Variants in PLCB1 observed in about 807,000 individuals in gnomAD.
The protein encoded by PLCB1 is phospholipase C beta 1.
In PLCB1, 46 loss-of-function variants were observed where a neutral mutation model predicts 161.8. The ratio of observed to expected loss-of-function variants is 0.28; its 90% CI spans 0.22 to 0.36. The LOEUF is 0.36. Ranked by LOEUF, PLCB1 falls within the 10% of genes least tolerant of loss-of-function variation. The pLI is 1.00. For synonymous variants in PLCB1, 517 were observed against 503.7 expected, an observed-to-expected ratio of 1.03 and a Z score of -0.35; for missense variants, 1,016 against 1,472.5, an observed-to-expected ratio of 0.69 and a Z score of 5.07.
At chr20:8,854,863 T>G (rs1278914725) in intron 31 of PLCB1, among the ~76,000 whole-genome samples, 2 of 152,230 alleles carry the variant, frequency 1.3e-5, no homozygotes, top group Non-Finnish European at 2.9e-5. Flanking sequence ...CCAAGACTCC[T>G]TCGTGCTTCA....
At chr20:8,459,973 G>A (rs913460765) in intron 3 of PLCB1, among the ~76,000 whole-genome samples, 2 of 152,220 alleles carry the variant, frequency 1.3e-5, no homozygotes, top group African/African-American at 4.8e-5. Flanking sequence ...GCCACCTTAA[G>A]TGGCAGTTTT....
chr20:8,667,691 T>A (rs1989847082), intron 9 of PLCB1, among the ~76,000 whole-genome samples: 1 of 152,158 alleles, frequency 6.6e-6, no homozygotes, highest in Admixed American at 6.5e-5. Context: ...AGGAAAAATA[T>A]AAACAGTAAA....
chr20:8,593,368 T>C (rs187107470), intron 3 of PLCB1, among the ~76,000 whole-genome samples: 2 of 152,008 alleles, frequency 1.3e-5, no homozygotes, highest in Admixed American at 1.3e-4. Flanking sequence ...TGTGTGTGTG[T>C]GTATGTGTGA....
At chr20:8,631,556 C>T (rs1325316239) in intron 4 of PLCB1, among the ~76,000 whole-genome samples, 1 of 152,194 alleles carries the variant, frequency 6.6e-6, no homozygotes, top group Non-Finnish European at 1.5e-5. Context: ...TCTTGCAGAG[C>T]AGAATCAGCA....
Position 8,733,542 on chromosome 20 carries a change from A to G in PLCB1, c.2043+150A>G, listed in dbSNP as rs1048008541. On this transcript the variant is annotated intron_variant, in intron 19 of 31. Transcript: ENST00000338037. ...TTTTTTCTCTAAAGATCAAATACAC[A>G]TTAAAAGTTTTCGTAAGGGGTCCGT... is the stretch of plus-strand genomic sequence containing the variant. The G allele has an allele frequency of 4.4e-6, 3 of 679,588 alleles. No individual in the cohort carries two copies. The African/African-American group carries it at 5.5e-5, about 12-fold the overall frequency. 42.1% of individuals were successfully genotyped at this position (679,588 alleles called of 1,614,324 possible).
intron 2 of PLCB1, among the ~76,000 whole-genome samples, chr20:8,190,193 C>T (rs775835522): frequency 3.9e-5 from 6 of 152,028 alleles, no homozygotes; most frequent in Non-Finnish European, 5.9e-5. Context: ...GTATGCTCTG[C>T]ATTCCTGTGT....
chr20:8,544,554 T>C (rs962104063), intron 3 of PLCB1, among the ~76,000 whole-genome samples: 2 of 152,222 alleles, frequency 1.3e-5, no homozygotes, highest in African/African-American at 4.8e-5. Flanking sequence ...TCAAGTGCAA[T>C]GTGAATGCTG....
chr20:8,459,139 C>T (rs2122678725), intron 3 of PLCB1, among the ~76,000 whole-genome samples: 1 of 152,250 alleles, frequency 6.6e-6, no homozygotes, highest in Admixed American at 6.5e-5. Context: ...TAGGTTATAA[C>T]ATGAACCGAG....
At chr20:8,851,993 G>A (rs2146302822) in intron 31 of PLCB1, among the ~76,000 whole-genome samples, 1 of 152,184 alleles carries the variant, frequency 6.6e-6, no homozygotes, top group East Asian at 1.9e-4. Context: ...ATACTTTATA[G>A]CAATTTTTAA....
intron 2 of PLCB1, among the ~76,000 whole-genome samples, chr20:8,207,622 C>T (rs1978602641): frequency 6.6e-6 from 1 of 151,944 alleles, no homozygotes; most frequent in African/African-American, 2.4e-5. Flanking sequence ...GGTCTGTCAC[C>T]CAGGCTGGTG....
intron 3 of PLCB1, among the ~76,000 whole-genome samples, chr20:8,485,742 A>G (rs1209672977): frequency 6.6e-6 from 1 of 152,222 alleles, no homozygotes; most frequent in East Asian, 1.9e-4. Flanking sequence ...GCACTCACAC[A>G]GGGAAATGTG....
At position 8,883,955 on chromosome 20, in the gene PLCB1, GAACT is replaced by G. The variant is rs1237757002; in HGVS notation, c.*2109_*2112del. The stretch of plus-strand genomic sequence containing the variant: ...AGACTGTCTGAAATTGAAGAAGAAT[GAACT>G]AATAATAGCATTCATAACCAAACAC... On this transcript the variant is annotated 3_prime_UTR_variant, in exon 32 of 32. Coordinates refer to ENST00000338037, the MANE Select transcript of PLCB1 (RefSeq NM_015192.4). The G allele has an allele frequency of 1.3e-5, 2 of 152,436 alleles. No individual in the cohort carries two copies. Among genetic ancestry groups the G allele is most frequent in the Non-Finnish European group, 2.9e-5 (2 of 67,960 alleles). 9.4% of individuals were successfully genotyped at this position (152,436 alleles called of 1,614,324 possible).
chr20:8,303,659 C>T (rs1412676537), intron 2 of PLCB1, among the ~76,000 whole-genome samples: 1 of 152,168 alleles, frequency 6.6e-6, no homozygotes, highest in Non-Finnish European at 1.5e-5. Context: ...GTCCGAGTGA[C>T]ACTTTTCTTC....
At chr20:8,396,095 T>C (rs1041573286) in intron 3 of PLCB1, among the ~76,000 whole-genome samples, 1 of 152,116 alleles carries the variant, frequency 6.6e-6, no homozygotes, top group South Asian at 2.1e-4. Context: ...AAAAGTAATA[T>C]ATTGAGCTGA....
rs540630554 is a variant in PLCB1, at chr20:8,552,144, T to C, written c.247-76150T>C. Among the ~76,000 whole-genome samples the C allele has an allele frequency of 4.6e-5, 7 of 152,320 alleles. No homozygotes were observed. In the East Asian group the frequency reaches 1.4e-3, roughly 29 times the overall value. On this transcript the variant is annotated intron_variant, in intron 3 of 31. Transcript: ENST00000338037. ...TGATTCAACAACTAAAGTTTATTAC[T>C]TGCCACAACAGGGGCTTCTAAGACC... is the stretch of plus-strand genomic sequence containing the variant.
chr20:8,859,822 G>T (rs976266335), intron 31 of PLCB1, among the ~76,000 whole-genome samples: 8 of 151,688 alleles, frequency 5.3e-5, no homozygotes, highest in African/African-American at 1.9e-4. Flanking sequence ...AATACAGTGG[G>T]AGTAGGAGAG....
At position 8,638,537 on chromosome 20, in the gene PLCB1, C is replaced by G. The variant is rs561988581; in HGVS notation, c.385-7565C>G. 1.1e-4 allele frequency among the ~76,000 whole-genome samples: 17 copies of G among 152,144 alleles called. No individual in the cohort carries two copies. In the South Asian group the frequency reaches 3.3e-3, roughly 30 times the overall value. ...ACACACATGAAAAAAGCATTACACA[C>G]CCATATATATAAATAGAAATGTGTA... On this transcript the variant is annotated intron_variant, in intron 4 of 31. Transcript: ENST00000338037.
rs180794494 is a variant in PLCB1 at position 8,365,480 on chromosome 20, A to G, written c.178-5902A>G. The stretch of plus-strand genomic sequence containing the variant: ...AAATCATGCCTAGGAAACAAAGGAA[A>G]AGAGAGACCAGGTGGCAGACGGTGC... On this transcript the variant is annotated intron_variant, in intron 2 of 31. Coordinates refer to ENST00000338037, the MANE Select transcript of PLCB1 (RefSeq NM_015192.4). Among the ~76,000 whole-genome samples the G allele has an allele frequency of 3.9e-5, 6 of 152,288 alleles. No homozygotes were observed. In the East Asian group the frequency reaches 1.2e-3, roughly 29 times the overall value.
rs117520456 is a variant in PLCB1, at chr20:8,147,861, A to C, written c.100-2433A>C. 8.9e-4 allele frequency among the ~76,000 whole-genome samples: 133 copies of C among 149,368 alleles called. 2 individuals are homozygous for C. The East Asian group carries it at 0.023, about 26-fold the overall frequency. On this transcript the variant is annotated intron_variant, in intron 1 of 31. Coordinates refer to ENST00000338037, the MANE Select transcript of PLCB1 (RefSeq NM_015192.4). Reference sequence around the variant, plus strand: ...GCATAGAACAGTGTTCCTAAATATAAATTTTGAAAAGTTTTTTTTTTTTTT... The same window carrying C: ...GCATAGAACAGTGTTCCTAAATATACATTTTGAAAAGTTTTTTTTTTTTTT...
Sources: gnomAD v4.1 joint callset for allele counts (sites outside exome capture counted in the v4.1 genomes callset) on GRCh38, gnomAD v4.1.1 for gene constraint, MANE v1.5 for transcripts, NCBI Gene and HGNC (gene_info 2026-07-23, HGNC 2026-07-21) for gene names.